The following STAU2 variants were observed in gnomAD, a reference collection of about 807,000 sequenced individuals.
STAU2 encodes the protein staufen double-stranded RNA binding protein 2.
In STAU2, 20 loss-of-function variants were observed where a neutral mutation model predicts 65.9. The observed-to-expected ratio is 0.30, with a 90% CI of 0.21 to 0.44. The LOEUF is 0.44. Ranked by LOEUF, STAU2 falls within the 20% of genes least tolerant of loss-of-function variation. The pLI is 1.00. For missense variants in STAU2, 558 were observed against 683.9 expected, an observed-to-expected ratio of 0.82 and a Z score of 2.05; for synonymous variants, 232 against 233.9, an observed-to-expected ratio of 0.99 and a Z score of 0.07.
At chr8:73,635,655 T>C (rs1477517030) in intron 6 of STAU2, among the ~76,000 whole-genome samples, 1 of 151,936 alleles carries the variant, frequency 6.6e-6, no homozygotes, top group Non-Finnish European at 1.5e-5. Flanking sequence ...TGAAACCCCA[T>C]CTCTATTAAA....
intron 5 of STAU2, among the ~76,000 whole-genome samples, chr8:73,681,010 G>A (rs775434545): frequency 2.0e-4 from 30 of 151,968 alleles, no homozygotes; most frequent in Non-Finnish European, 4.0e-4. Flanking sequence ...TGTTCCTGAG[G>A]AAGAAGAAAA....
At chr8:73,727,374 C>T (rs1805718431) in intron 3 of STAU2, among the ~76,000 whole-genome samples, 1 of 152,202 alleles carries the variant, frequency 6.6e-6, no homozygotes, top group Non-Finnish European at 1.5e-5. Context: ...GCAGTTGCTT[C>T]TCATTCACCC....
chr8:73,554,834 C>T (rs1807597790), intron 12 of STAU2, among the ~76,000 whole-genome samples: 1 of 152,234 alleles, frequency 6.6e-6, no homozygotes, highest in African/African-American at 2.4e-5. Context: ...AATAATCTGG[C>T]TCCTACTTAT....
intron 3 of STAU2, among the ~76,000 whole-genome samples, chr8:73,711,601 CTAA>C (rs1820907812): frequency 6.6e-6 from 1 of 151,950 alleles, no homozygotes; most frequent in Non-Finnish European, 1.5e-5. Context: ...ATGAAAATTG[CTAA>C]TAGCATAGGT....
chr8:73,531,397 T>C (rs140669852), intron 13 of STAU2, among the ~76,000 whole-genome samples: 3 of 152,300 alleles, frequency 2.0e-5, no homozygotes, highest in African/African-American at 4.8e-5. Flanking sequence ...TTCTGTGTTA[T>C]ATCCCCACTG....
At chr8:73,508,069 A>G (rs750177695) in intron 13 of STAU2, among the ~76,000 whole-genome samples, 2 of 152,232 alleles carry the variant, frequency 1.3e-5, no homozygotes, top group Admixed American at 6.5e-5. Flanking sequence ...CATATCAGCC[A>G]TAAGGCTGTT....
At chr8:73,533,322 A>G (rs1805948283) in intron 13 of STAU2, among the ~76,000 whole-genome samples, 1 of 152,176 alleles carries the variant, frequency 6.6e-6, no homozygotes, top group African/African-American at 2.4e-5. Flanking sequence ...TGAGTTATAA[A>G]TTTCAATATA....
intron 3 of STAU2, among the ~76,000 whole-genome samples, chr8:73,722,390 T>C (rs1436533980): frequency 1.3e-5 from 2 of 152,232 alleles, no homozygotes; most frequent in Non-Finnish European, 2.9e-5. Flanking sequence ...TTGCATCTGG[T>C]ATCATTTTCC....
At chr8:73,462,046 T>TA (rs1257500327) in intron 13 of STAU2, among the ~76,000 whole-genome samples, 3 of 150,978 alleles carry the variant, frequency 2.0e-5, no homozygotes, top group African/African-American at 4.9e-5. Flanking sequence ...CATCTATCGG[T>TA]AAAAAAATTT....
chr8:73,672,976 T>C, intron 6 of STAU2, 131 bp downstream of exon 6: 1 of 812,286 alleles, frequency 1.2e-6, no homozygotes, highest in Non-Finnish European at 1.7e-6. Context: ...GTGAACCTGC[T>C]TTATCTAAAT....
chr8:73,591,772 A>T (rs1810792256), intron 11 of STAU2, among the ~76,000 whole-genome samples: 1 of 151,802 alleles, frequency 6.6e-6, no homozygotes, highest in Admixed American at 6.6e-5. Flanking sequence ...CACTGGACAA[A>T]ACAAGTAATC....
chr8:73,637,477 TA>T (rs60833468), intron 6 of STAU2, among the ~76,000 whole-genome samples: 18,035 of 56,880 alleles, frequency 0.32, 281 homozygotes, highest in East Asian at 0.37. Flanking sequence ...GTGCTGAAAG[TA>T]AAAAAAAAAA....
At chr8:73,662,450 C>T (rs1328580772) in intron 6 of STAU2, among the ~76,000 whole-genome samples, 7 of 151,944 alleles carry the variant, frequency 4.6e-5, no homozygotes, top group East Asian at 1.9e-4. Context: ...TTGCATGATC[C>T]GTGCTTTTTG....
chr8:73,551,966 A>G (rs2128943298), intron 13 of STAU2, 46 bp downstream of exon 13: 1 of 1,518,914 alleles, frequency 6.6e-7, no homozygotes, highest in East Asian at 2.3e-5. Context: ...GAAGAATCTG[A>G]GGCTAATGAA....
chr8:73,584,901 G>C (rs1376970164), intron 11 of STAU2, among the ~76,000 whole-genome samples: 4 of 152,062 alleles, frequency 2.6e-5, no homozygotes, highest in African/African-American at 9.7e-5. Flanking sequence ...ATGAAAACCT[G>C]GTGAACAGAA....
chr8:73,598,245 T>G (rs897107573), intron 10 of STAU2, among the ~76,000 whole-genome samples: 51 of 142,218 alleles, frequency 3.6e-4, no homozygotes, highest in Admixed American at 5.5e-4. Context: ...TTTTTTTTTT[T>G]GGGATGGAGT....
At chr8:73,635,951 C>CACACA (rs35939277) in intron 6 of STAU2, among the ~76,000 whole-genome samples, 17 of 54,696 alleles carry the variant, frequency 3.1e-4, no homozygotes, top group East Asian at 1.1e-3. Context: ...CACACACACA[C>CACACA]CCCTGGAACC....
chr8:73,431,792 C>T (rs929564881), intron 13 of STAU2, among the ~76,000 whole-genome samples: 3 of 152,190 alleles, frequency 2.0e-5, no homozygotes, highest in African/African-American at 7.2e-5. Context: ...GAGGTGAGTC[C>T]AGTCATGTCT....
At chr8:73,684,995 A>G (rs941523546) in intron 5 of STAU2, among the ~76,000 whole-genome samples, 5 of 152,132 alleles carry the variant, frequency 3.3e-5, no homozygotes, top group Admixed American at 2.0e-4. Flanking sequence ...GACAAAGTGG[A>G]GGTAATTTGA....
Sources: gnomAD v4.1 joint callset for allele counts (sites outside exome capture counted in the v4.1 genomes callset) on GRCh38, gnomAD v4.1.1 for gene constraint, MANE v1.5 for transcripts, NCBI Gene and HGNC (gene_info 2026-07-23, HGNC 2026-07-21) for gene names.